The following PARD3B variants were observed in gnomAD, a reference collection of about 807,000 sequenced individuals.
PARD3B encodes the protein par-3 family cell polarity regulator beta.
A neutral mutation model predicts 130.2 loss-of-function variants in PARD3B; 103 were observed. That is an observed-to-expected ratio of 0.79 (90% CI 0.67 to 0.93). PARD3B has a LOEUF of 0.93. Among genes scored for constraint, PARD3B ranks in the 40% least tolerant of loss-of-function variants. The probability of loss-of-function intolerance (pLI) is 0.00; values close to 1 mark genes in which losing one functional copy is unlikely to be tolerated. For synonymous variants in PARD3B, 583 were observed against 553.2 expected, an observed-to-expected ratio of 1.05 and a Z score of -0.76; for missense variants, 1,609 against 1,499.2, an observed-to-expected ratio of 1.07 and a Z score of -1.21.
chr2:204,866,678 CAT>C (rs1341702345), intron 2 of PARD3B, among the ~76,000 whole-genome samples: 1 of 150,896 alleles, frequency 6.6e-6, no homozygotes, highest in African/African-American at 2.4e-5. Flanking sequence ...TGTATATATA[CAT>C]ATATATGTGT....
rs144086373 is a variant in PARD3B at position 204,682,225 on chromosome 2, C to T, written c.121-3956C>T. Among the ~76,000 whole-genome samples, 10 of 152,142 alleles carry T rather than the reference C, an allele frequency of 6.6e-5. 1 individual carries two copies. The East Asian group carries it at 1.9e-3, about 29-fold the overall frequency. Reference sequence around the variant, plus strand: ...AATGGACCTGATTCCCTGCCTGATTCCTTGGTAATTGTGCTTTGTATTAAG... The same window carrying T: ...AATGGACCTGATTCCCTGCCTGATTTCTTGGTAATTGTGCTTTGTATTAAG... On this transcript the variant is annotated intron_variant, in intron 1 of 22. Transcript: ENST00000406610.
rs948414327 is a variant in PARD3B, at chr2:205,366,227, T to C, written c.2631-34786T>C. On this transcript the variant is annotated intron_variant, in intron 18 of 22. Coordinates refer to ENST00000406610, the MANE Select transcript of PARD3B (RefSeq NM_001302769.2). The surrounding 1 kb of genome is among the most constrained non-coding windows in gnomAD (Gnocchi z 5.0). ...TAGCTTTACATTCCATAAGCACCCA[T>C]ACACTGATGGAAAGTGGAGACAGCC... Among the ~76,000 whole-genome samples, 2 of 152,198 alleles carry C rather than the reference T, an allele frequency of 1.3e-5. No individual in the cohort carries two copies. Among genetic ancestry groups the C allele is most frequent in the African/African-American group, 4.8e-5 (2 of 41,456 alleles).
chr2:204,916,519 T>C (rs1331857347), intron 2 of PARD3B, among the ~76,000 whole-genome samples: 12 of 152,216 alleles, frequency 7.9e-5, no homozygotes, highest in Admixed American at 7.9e-4. Context: ...TTAAATTCTA[T>C]AGAGATTTAT....
chr2:205,110,073 C>G (rs370189779), intron 5 of PARD3B, among the ~76,000 whole-genome samples: 1 of 152,190 alleles, frequency 6.6e-6, no homozygotes, highest in Non-Finnish European at 1.5e-5. Flanking sequence ...TACACTTTCT[C>G]TGTAATTACA....
At chr2:205,194,601 T>C (rs969516) in intron 15 of PARD3B, among the ~76,000 whole-genome samples, 116,018 of 152,098 alleles carry the variant, frequency 0.76, 44,702 homozygotes, top group East Asian at 0.97. Context: ...ACTGCTCTTA[T>C]TTTTGAGGAG....
At chr2:205,423,532 A>C (rs781719120) in intron 19 of PARD3B, among the ~76,000 whole-genome samples, 2 of 152,242 alleles carry the variant, frequency 1.3e-5, no homozygotes, top group African/African-American at 4.8e-5. Flanking sequence ...AGAATATTCT[A>C]TATGGTTTCT....
chr2:204,980,984 A>G (rs981386673), intron 3 of PARD3B, among the ~76,000 whole-genome samples: 5 of 152,186 alleles, frequency 3.3e-5, no homozygotes, highest in East Asian at 1.9e-4. Flanking sequence ...ATGTTAACAT[A>G]GGGGAAACTC....
intron 4 of PARD3B, among the ~76,000 whole-genome samples, chr2:205,060,083 C>T (rs2125452614): frequency 6.6e-6 from 1 of 152,200 alleles, no homozygotes; most frequent in South Asian, 2.1e-4. Flanking sequence ...TCTTAACCTG[C>T]AGTATAGACT....
chr2:204,560,714 TAAGGGTCA>T (rs1487003976), intron 1 of PARD3B, among the ~76,000 whole-genome samples: 3 of 151,022 alleles, frequency 2.0e-5, no homozygotes, highest in African/African-American at 7.3e-5. Context: ...AGGGAAGGAG[TAAGGGTCA>T]AAGCCAGAGT....
At position 204,606,389 on chromosome 2, in the gene PARD3B, A is replaced by AG. The variant is rs1174601936; in HGVS notation, c.120+60274dup. 5.9e-5 allele frequency among the ~76,000 whole-genome samples: 9 copies of AG among 152,272 alleles called. No individual in the cohort carries two copies. On this transcript the variant is annotated intron_variant, in intron 1 of 22. Coordinates refer to ENST00000406610, the MANE Select transcript of PARD3B (RefSeq NM_001302769.2). This position sits in a 1 kb window ranked among gnomAD's most constrained non-coding sequence, Gnocchi z 4.0. ...TGCTTTTGTCCATGGTGAGTCAATA[A>AG]GGGGATCTGTTGACTGTATCAGTCA...
intron 2 of PARD3B, among the ~76,000 whole-genome samples, chr2:204,816,090 C>G (rs1437999469): frequency 1.3e-5 from 2 of 151,872 alleles, no homozygotes; most frequent in African/African-American, 4.8e-5. Context: ...AAGATTTATA[C>G]TCTCATCTGT....
intron 2 of PARD3B, among the ~76,000 whole-genome samples, chr2:204,697,187 A>G (rs2037650658): frequency 6.6e-6 from 1 of 152,114 alleles, no homozygotes; most frequent in Admixed American, 6.6e-5. Flanking sequence ...CCAGTTCAAA[A>G]TGAACCCATT....
intron 2 of PARD3B, among the ~76,000 whole-genome samples, chr2:204,761,539 A>G (rs552277463): frequency 1.3e-4 from 20 of 151,976 alleles, no homozygotes; most frequent in Middle Eastern, 3.4e-3. Context: ...CATTTATTAA[A>G]TTCACCCATA....
chr2:205,472,207 A>G (rs1164221991), intron 20 of PARD3B, among the ~76,000 whole-genome samples: 1 of 152,208 alleles, frequency 6.6e-6, no homozygotes, highest in Non-Finnish European at 1.5e-5. Flanking sequence ...CTCCTCGACC[A>G]ATGAAGTCAT....
At chr2:204,986,255 C>T (rs529292972) in intron 3 of PARD3B, among the ~76,000 whole-genome samples, 4 of 152,214 alleles carry the variant, frequency 2.6e-5, no homozygotes, top group African/African-American at 9.6e-5. Flanking sequence ...AAGCTCAGGG[C>T]CTGCCAGTAT....
intron 19 of PARD3B, among the ~76,000 whole-genome samples, chr2:205,423,730 C>T (rs578005286): frequency 1.3e-5 from 2 of 152,074 alleles, no homozygotes; most frequent in South Asian, 4.2e-4. Flanking sequence ...AAATGTGATA[C>T]CTATACACCG....
intron 11 of PARD3B, among the ~76,000 whole-genome samples, chr2:205,168,657 G>A (rs1259822771): frequency 6.8e-6 from 1 of 148,100 alleles, no homozygotes; most frequent in African/African-American, 2.5e-5. Flanking sequence ...TAGGTAGACA[G>A]CCTTTTTTTT....
chr2:205,208,454 G>A lies in PARD3B; in HGVS notation c.2140+15134G>A, dbSNP rs978442770. Among the ~76,000 whole-genome samples, 8 of 145,138 alleles carry A rather than the reference G, an allele frequency of 5.5e-5. 1 individual carries two copies. The highest frequency in any genetic ancestry group is 9.0e-5 in the Non-Finnish European group (6 of 66,786). On this transcript the variant is annotated intron_variant, in intron 15 of 22. Coordinates refer to ENST00000406610, the MANE Select transcript of PARD3B (RefSeq NM_001302769.2). ...GTCCCTGTTTGCAGATGACATGATC[G>A]TATATCTAGAAAACCCCATTGTCTC...
chr2:205,139,842 A>G (rs1443467166), intron 10 of PARD3B, among the ~76,000 whole-genome samples: 1 of 152,214 alleles, frequency 6.6e-6, no homozygotes, highest in Non-Finnish European at 1.5e-5. Flanking sequence ...CCTAACTGGA[A>G]AGAAAGTAAA....
Sources: gnomAD v4.1 joint callset for allele counts (sites outside exome capture counted in the v4.1 genomes callset) on GRCh38, gnomAD v4.1.1 for gene constraint, Gnocchi (gnomAD v3.1) non-coding constraint, MANE v1.5 for transcripts, NCBI Gene and HGNC (gene_info 2026-07-23, HGNC 2026-07-21) for gene names.